Variants in CDH8 observed in about 807,000 individuals in gnomAD.
CDH8 encodes cadherin 8, also known as cadherin-8.
In CDH8, 17 loss-of-function variants were observed where a neutral mutation model predicts 68.1. The ratio of observed to expected loss-of-function variants is 0.25; its 90% CI spans 0.17 to 0.37. CDH8 has a LOEUF of 0.37. Ranked by LOEUF, CDH8 falls within the 10% of genes least tolerant of loss-of-function variation. The probability of loss-of-function intolerance (pLI) is 1.00; values close to 1 mark genes in which losing one functional copy is unlikely to be tolerated. For missense variants in CDH8, 763 were observed against 999.3 expected (o/e 0.76, Z 3.19); for synonymous variants, 372 against 365.1 (o/e 1.02, Z -0.21).
chr16:61,935,811 G>C (rs1030973182), intron 2 of CDH8, among the ~76,000 whole-genome samples: 16 of 152,032 alleles, frequency 1.1e-4, no homozygotes, highest in African/African-American at 3.9e-4. Context: ...TAACATCATG[G>C]GTACATTTTT....
At chr16:61,899,860 A>ACACACACG (rs1963937441) in intron 3 of CDH8, among the ~76,000 whole-genome samples, 1 of 151,612 alleles carries the variant, frequency 6.6e-6, no homozygotes, top group Non-Finnish European at 1.5e-5. Flanking sequence ...ACACACACAC[A>ACACACACG]CACACACGAG....
In CDH8 at chr16:61,727,689, T is replaced by C. The variant is rs149629445; in HGVS notation, c.1415-474A>G. On this transcript the variant is annotated intron_variant, in intron 8 of 11. Coordinates refer to ENST00000577390, the MANE Select transcript of CDH8 (RefSeq NM_001796.5). ...CTTGTTGAGAAGTGGTCCTTAACAA[T>C]GATAAAAGAGGTAAGATTAAAGATG... 5.0e-3 allele frequency among the ~76,000 whole-genome samples: 760 copies of C among 151,084 alleles called. 2 individuals carry two copies. Among genetic ancestry groups the C allele is most frequent in the Non-Finnish European group, 6.1e-3 (408 of 67,302 alleles).
At chr16:61,674,051 A>G (rs1049676199) in intron 10 of CDH8, among the ~76,000 whole-genome samples, 3 of 152,206 alleles carry the variant, frequency 2.0e-5, no homozygotes, top group African/African-American at 7.2e-5. Context: ...AGGGTTGGAA[A>G]CACTTGAGGT....
intron 3 of CDH8, among the ~76,000 whole-genome samples, chr16:61,872,750 G>A (rs1020010720): frequency 1.3e-5 from 2 of 152,154 alleles, no homozygotes; most frequent in Non-Finnish European, 2.9e-5. Context: ...CAAGAGGAGG[G>A]CAGGTACTCA....
chr16:61,654,091 C>A lies in CDH8; in HGVS notation c.1917G>T (p.Val639=), dbSNP rs868149889. The A allele has an allele frequency of 6.2e-7, 1 of 1,610,842 alleles. No homozygotes were observed. Among genetic ancestry groups the A allele is most frequent in the East Asian group, 2.2e-5 (1 of 44,834 alleles). Residue 639 remains valine (V), a synonymous_variant, in exon 12 of 12, where the codon GTG becomes GTT. Transcript: ENST00000577390. ...ACIILLLVIV[V]LFVTLRRHKN... Reference sequence around the variant, plus strand: ...TATGCCGCCGTAGAGTTACAAACAGCACCACGATGACTAGAGGAAAAATAT... The same window carrying A: ...TATGCCGCCGTAGAGTTACAAACAGAACCACGATGACTAGAGGAAAAATAT...
rs542273926 is a variant in CDH8, at chr16:61,745,098, GT to G, written c.1415-17884del. The stretch of plus-strand genomic sequence containing the variant: ...AACTGCTGCTAATGCATTTTATCAA[GT>G]TTTTTTTTTTCTGAAAGAAAACAAC... On this transcript the variant is annotated intron_variant, in intron 8 of 11. Coordinates refer to ENST00000577390, the MANE Select transcript of CDH8 (RefSeq NM_001796.5). 1.5e-3 allele frequency among the ~76,000 whole-genome samples: 204 copies of G among 139,826 alleles called. 1 individual carries two copies. In the South Asian group the frequency reaches 0.02, roughly 14 times the overall value. 91.7% of individuals were successfully genotyped at this position (139,826 alleles called of 152,430 possible).
chr16:62,031,571 G>C (rs551486317), intron 1 of CDH8, among the ~76,000 whole-genome samples: 4 of 152,082 alleles, frequency 2.6e-5, no homozygotes, highest in African/African-American at 4.8e-5. Flanking sequence ...CTGTTTGAAG[G>C]TTCCAAATAT....
In CDH8 at chr16:61,821,019, C is replaced by T; in HGVS notation, c.930G>A (p.Gln310=). The part of the protein sequence containing the change: ...ANDQDIGENA[Q]SSYDIIDGDG... Reference sequence around the variant, plus strand: ...CTCCATCGATGATATCATATGATGACTGTGCATTTTCACCAATATCCTGAT... The same window carrying T: ...CTCCATCGATGATATCATATGATGATTGTGCATTTTCACCAATATCCTGAT... The change falls in exon 6 of 12, where the codon CAG becomes CAA. Residue 310 remains glutamine (Q), a synonymous_variant. Coordinates refer to ENST00000577390, the MANE Select transcript of CDH8 (RefSeq NM_001796.5). 2 of 1,612,954 alleles carry T rather than the reference C, an allele frequency of 1.2e-6. No homozygotes were observed. Among genetic ancestry groups the T allele is most frequent in the South Asian group, 1.1e-5 (1 of 91,026 alleles).
intron 3 of CDH8, among the ~76,000 whole-genome samples, chr16:61,896,968 A>G (rs1963878098): frequency 6.6e-6 from 1 of 151,848 alleles, no homozygotes. Flanking sequence ...AATAAGGGAT[A>G]GAACCAGGGT....
intron 2 of CDH8, among the ~76,000 whole-genome samples, chr16:61,957,478 A>G (rs79241485): frequency 0.023 from 3,495 of 152,288 alleles, 132 homozygotes; most frequent in African/African-American, 0.076. Context: ...TGACTTCAAG[A>G]GGTTCCAAAC....
intron 4 of CDH8, among the ~76,000 whole-genome samples, chr16:61,828,071 T>C (rs1962380514): frequency 6.6e-6 from 1 of 151,780 alleles, no homozygotes; most frequent in African/African-American, 2.4e-5. Flanking sequence ...CAGAACAAGA[T>C]ACAGATCATA....
intron 3 of CDH8, among the ~76,000 whole-genome samples, chr16:61,876,702 A>G (rs1170018568): frequency 2.6e-5 from 4 of 152,140 alleles, no homozygotes; most frequent in Non-Finnish European, 5.9e-5. Flanking sequence ...GCATTCTTAC[A>G]GTAATGATGC....
intron 3 of CDH8, among the ~76,000 whole-genome samples, chr16:61,870,216 T>C (rs1015817480): frequency 3.9e-5 from 6 of 152,214 alleles, no homozygotes; most frequent in Non-Finnish European, 8.8e-5. Context: ...TCTCATTGTT[T>C]ATACCAGACA....
intron 2 of CDH8, among the ~76,000 whole-genome samples, chr16:61,914,718 T>A: frequency 7.1e-6 from 1 of 141,222 alleles, no homozygotes; most frequent in Admixed American, 7.2e-5. Flanking sequence ...GAACTGAAAG[T>A]ATAATAATAA....
chr16:61,875,668 T>C (rs1254491637), intron 3 of CDH8, among the ~76,000 whole-genome samples: 2 of 152,196 alleles, frequency 1.3e-5, no homozygotes, highest in Non-Finnish European at 2.9e-5. Flanking sequence ...TCCTCTCCTA[T>C]ATATGCTTCA....
intron 10 of CDH8, among the ~76,000 whole-genome samples, chr16:61,674,972 G>C (rs1224964505): frequency 1.3e-5 from 2 of 149,908 alleles, no homozygotes; most frequent in East Asian, 2.0e-4. Flanking sequence ...AAAACTATGA[G>C]ACAATACCAA....
intron 8 of CDH8, among the ~76,000 whole-genome samples, chr16:61,744,447 T>A (rs8049813): frequency 6.6e-6 from 1 of 152,016 alleles, no homozygotes; most frequent in African/African-American, 2.4e-5. Context: ...TTCAATCATC[T>A]CAGTCTCTAT....
chr16:61,988,541 G>A (rs1244404765), intron 2 of CDH8, among the ~76,000 whole-genome samples: 2 of 152,004 alleles, frequency 1.3e-5, no homozygotes, highest in Non-Finnish European at 2.9e-5. Flanking sequence ...ACTTCTCAGG[G>A]CCAGTCTCCA....
At chr16:61,660,965 A>G (rs991056388) in intron 10 of CDH8, among the ~76,000 whole-genome samples, 1 of 152,046 alleles carries the variant, frequency 6.6e-6, no homozygotes, top group African/African-American at 2.4e-5. Context: ...CCAGATGGTG[A>G]CTCAAATCCA....
Sources: gnomAD v4.1 joint callset for allele counts (sites outside exome capture counted in the v4.1 genomes callset) on GRCh38, gnomAD v4.1.1 for gene constraint, MANE v1.5 for transcripts, NCBI Gene and HGNC (gene_info 2026-07-23, HGNC 2026-07-21) for gene names.